NKAIN3: variants seen among roughly 807,000 people sequenced by gnomAD.
NKAIN3 encodes sodium/potassium-transporting ATPase subunit beta-1-interacting protein 3.
NKAIN3 carries 25 observed loss-of-function variants against 30.2 expected under a neutral mutation model. The ratio of observed to expected loss-of-function variants is 0.83; its 90% confidence interval spans 0.60 to 1.16. The LOEUF (loss-of-function observed/expected upper bound fraction) is 1.16. Among genes scored for constraint, NKAIN3 ranks in the 50% most tolerant of loss-of-function variants. The pLI, the probability that NKAIN3 is intolerant of heterozygous loss-of-function variation, is 0.00. For synonymous variants in NKAIN3, 91 were observed against 89.6 expected (o/e 1.02, Z -0.09); for missense variants, 225 against 254.1 (o/e 0.89, Z 0.78).
intron 1 of NKAIN3, among the ~76,000 whole-genome samples, chr8:62,299,565 C>T (rs1382616153): frequency 6.6e-6 from 1 of 152,076 alleles, no homozygotes; most frequent in African/African-American, 2.4e-5. Context: ...TTTATTTTAT[C>T]ATTACCTTTT....
chr8:62,584,039 A>G (rs1810396386), intron 2 of NKAIN3, among the ~76,000 whole-genome samples: 1 of 152,212 alleles, frequency 6.6e-6, no homozygotes, highest in South Asian at 2.1e-4. Flanking sequence ...AAAAAAACTG[A>G]AAATGAATGT....
chr8:62,985,765 A>G (rs866826852), downstream of NKAIN3, among the ~76,000 whole-genome samples: 20 of 151,666 alleles, frequency 1.3e-4, no homozygotes, highest in Non-Finnish European at 2.1e-4. Flanking sequence ...AAAAAAAAAA[A>G]GGGAGGAGCC....
chr8:62,406,441 T>A (rs1804068855), intron 1 of NKAIN3, among the ~76,000 whole-genome samples: 1 of 152,164 alleles, frequency 6.6e-6, no homozygotes, highest in Non-Finnish European at 1.5e-5. Context: ...TCACTGAAGG[T>A]ATAAGTCTTT....
intron 1 of NKAIN3, among the ~76,000 whole-genome samples, chr8:62,524,520 T>C (rs1330000038): frequency 2.0e-5 from 3 of 152,162 alleles, no homozygotes; most frequent in Admixed American, 6.6e-5. Context: ...GCAATCAGCA[T>C]AGGTCACTTA....
intron 3 of NKAIN3, 119 bp downstream of exon 3, chr8:62,589,913 GTGTA>G (rs975713822): frequency 7.7e-6 from 3 of 388,998 alleles, no homozygotes; most frequent in South Asian, 4.6e-5. Flanking sequence ...GTGTGTGTGT[GTGTA>G]TAGAATGATA....
At chr8:62,298,583 G>A (rs923665398) in intron 1 of NKAIN3, among the ~76,000 whole-genome samples, 1 of 151,920 alleles carries the variant, frequency 6.6e-6, no homozygotes, top group Non-Finnish European at 1.5e-5. Flanking sequence ...CTTTTTTTCT[G>A]TGCTCCTAAG....
chr8:62,466,729 A>G (rs2129599798), intron 1 of NKAIN3, among the ~76,000 whole-genome samples: 1 of 152,286 alleles, frequency 6.6e-6, no homozygotes, highest in African/African-American at 2.4e-5. Context: ...CTGCCATAGG[A>G]TAAACTTAGG....
chr8:62,282,309 AC>A (rs2129396953), intron 1 of NKAIN3, among the ~76,000 whole-genome samples: 1 of 152,258 alleles, frequency 6.6e-6, no homozygotes, highest in Non-Finnish European at 1.5e-5. Flanking sequence ...CTCAGAAGTA[AC>A]CAAAGATGCC....
At chr8:62,540,845 T>TGGAA (rs2129888643) in intron 1 of NKAIN3, among the ~76,000 whole-genome samples, 1 of 152,028 alleles carries the variant, frequency 6.6e-6, no homozygotes, top group South Asian at 2.1e-4. Context: ...AAAAAAAGGG[T>TGGAA]GAAAGAAGAT....
intron 3 of NKAIN3, among the ~76,000 whole-genome samples, chr8:62,695,916 T>C (rs28687587): frequency 0.15 from 23,014 of 152,150 alleles, 4,684 homozygotes; most frequent in African/African-American, 0.47. Context: ...GGGAGTATTT[T>C]CTGCACCTTA....
chr8:62,965,482 C>T lies in NKAIN3; in HGVS notation c.*75C>T, dbSNP rs1024108844. ...CATTCCTTCCAGAGGCTAGACTGTG[C>T]TTCCTGGCTTTCCCACGAATCATGG... On this transcript the variant is annotated 3_prime_UTR_variant, in exon 7 of 7. Transcript: ENST00000623646. The T allele has an allele frequency of 1.0e-6, 1 of 985,700 alleles. No individual in the cohort carries two copies. The allele number at this position is 985,700 out of a possible 1,614,324, so 61.1% of individuals were successfully genotyped here.
intron 1 of NKAIN3, among the ~76,000 whole-genome samples, chr8:62,343,983 T>G (rs1585702797): frequency 6.6e-6 from 1 of 152,104 alleles, no homozygotes; most frequent in African/African-American, 2.4e-5. Flanking sequence ...TAAAAGTTAA[T>G]GTTATTAACA....
At chr8:62,485,956 A>G (rs1806887334) in intron 1 of NKAIN3, among the ~76,000 whole-genome samples, 1 of 152,258 alleles carries the variant, frequency 6.6e-6, no homozygotes, top group African/African-American at 2.4e-5. Flanking sequence ...CATATTAATT[A>G]GAAAATAGTT....
At chr8:62,877,253 C>A (rs1165915040) in intron 4 of NKAIN3, among the ~76,000 whole-genome samples, 1 of 152,150 alleles carries the variant, frequency 6.6e-6, no homozygotes, top group Non-Finnish European at 1.5e-5. Flanking sequence ...ATACAAAATA[C>A]CCATTCAAAG....
In NKAIN3 at chr8:62,405,530, C is replaced by G. The variant is rs149590381; in HGVS notation, c.54+156403C>G. Among the ~76,000 whole-genome samples the G allele has an allele frequency of 5.9e-3, 895 of 152,346 alleles. 10 individuals carry two copies. Among genetic ancestry groups the G allele is most frequent in the African/African-American group, 0.021 (857 of 41,574 alleles). On this transcript the variant is annotated intron_variant, in intron 1 of 6. Coordinates refer to ENST00000623646, the MANE Select transcript of NKAIN3 (RefSeq NM_001304533.3). The stretch of plus-strand genomic sequence containing the variant: ...GAGTTCTGCCTGGTGTTACTTTCCA[C>G]TGTGACAGAGAAGCACTGAGTTCCA...
rs367568145 is a variant in NKAIN3 at position 62,868,470 on chromosome 8, CAAG to C, written c.472-49979_472-49977del. ...CAGAAACAATTTATACTTGAAGTAGCAAGAAGTTTTAGACAAAGGAGAATTTTT... is the reference window on the plus strand; with the variant it reads ...CAGAAACAATTTATACTTGAAGTAGCAAGTTTTAGACAAAGGAGAATTTTT... On this transcript the variant is annotated intron_variant, in intron 4 of 6. Transcript: ENST00000623646. Among the ~76,000 whole-genome samples the C allele has an allele frequency of 3.9e-3, 588 of 152,020 alleles. 5 individuals are homozygous for C. The highest frequency in any genetic ancestry group is 6.8e-3 in the Middle Eastern group (2 of 292).
intron 4 of NKAIN3, among the ~76,000 whole-genome samples, chr8:62,877,629 C>T (rs531932452): frequency 1.2e-4 from 19 of 152,150 alleles, no homozygotes; most frequent in Non-Finnish European, 2.6e-4. Context: ...TTTTAAGTTA[C>T]GCAGTCCTAC....
At chr8:62,373,348 T>G (rs1029039104) in intron 1 of NKAIN3, among the ~76,000 whole-genome samples, 1 of 152,238 alleles carries the variant, frequency 6.6e-6, no homozygotes, top group African/African-American at 2.4e-5. Context: ...GCTGAAATTC[T>G]ACTAACTTTA....
At chr8:62,332,403 T>A (rs1400098000) in intron 1 of NKAIN3, among the ~76,000 whole-genome samples, 1 of 152,118 alleles carries the variant, frequency 6.6e-6, no homozygotes, top group African/African-American at 2.4e-5. Flanking sequence ...TTTCAAATCT[T>A]TGAATTAGTA....
Sources: gnomAD v4.1 joint callset for allele counts (sites outside exome capture counted in the v4.1 genomes callset) on GRCh38, gnomAD v4.1.1 for gene constraint, MANE v1.5 for transcripts, NCBI Gene and HGNC (gene_info 2026-07-23, HGNC 2026-07-21) for gene names.